PRKG1: variants seen among roughly 807,000 people sequenced by gnomAD.
PRKG1 encodes protein kinase cGMP-dependent 1, also known as cGMP-dependent protein kinase 1.
A neutral mutation model predicts 88.1 loss-of-function variants in PRKG1; 35 were observed. That is an observed-to-expected ratio of 0.40 (90% CI 0.30 to 0.53). The LOEUF (loss-of-function observed/expected upper bound fraction) is 0.53, where lower values mean the gene tolerates loss of function less well. PRKG1 is among the 20% of genes least tolerant of loss of function. The pLI, the probability that PRKG1 is intolerant of heterozygous loss-of-function variation, is 0.59. For synonymous variants in PRKG1, 303 were observed against 292.5 expected (o/e 1.04, Z -0.37); for missense variants, 540 against 839.8 (o/e 0.64, Z 4.41).
intron 4 of PRKG1, among the ~76,000 whole-genome samples, chr10:51,809,697 A>G (rs1839401949): frequency 6.6e-6 from 1 of 152,216 alleles, no homozygotes; most frequent in Non-Finnish European, 1.5e-5. Context: ...AATTTAAGCT[A>G]CACAGTAGAT....
chr10:51,236,258 C>A (rs1199002019), intron 2 of PRKG1, among the ~76,000 whole-genome samples: 1 of 152,174 alleles, frequency 6.6e-6, no homozygotes, highest in Non-Finnish European at 1.5e-5. Context: ...TAACCCTTAA[C>A]TGCTGACCTT....
chr10:51,681,767 ATAG>A (rs1474528088), intron 3 of PRKG1, among the ~76,000 whole-genome samples: 10 of 152,166 alleles, frequency 6.6e-5, no homozygotes, highest in African/African-American at 2.4e-4. Context: ...AAACACAAAG[ATAG>A]TAGATGAGGA....
chr10:52,038,081 G>A (rs987616390), intron 5 of PRKG1, among the ~76,000 whole-genome samples: 6 of 152,246 alleles, frequency 3.9e-5, no homozygotes, highest in African/African-American at 1.4e-4. Flanking sequence ...CCATTTTCTG[G>A]CTATTTGGAA....
chr10:51,699,666 A>G (rs989251455), intron 3 of PRKG1: 17 of 1,168,484 alleles, frequency 1.5e-5, no homozygotes, highest in Admixed American at 2.4e-5. Context: ...AACTTTACTA[A>G]TTCGCTTGAA....
At position 52,296,310 on chromosome 10, in the gene PRKG1, C is replaced by T. The variant is rs993295702; in HGVS notation, c.*2410C>T. ...GAGAAGGAAGAAGTAGCATTCAGCACAAGAAACTGTAGATTGTTTCTCCCA... is the reference window on the plus strand; with the variant it reads ...GAGAAGGAAGAAGTAGCATTCAGCATAAGAAACTGTAGATTGTTTCTCCCA... On this transcript the variant is annotated 3_prime_UTR_variant, in exon 18 of 18. Coordinates refer to ENST00000373980, the MANE Select transcript of PRKG1 (RefSeq NM_006258.4). 1.3e-5 allele frequency: 2 copies of T among 152,032 alleles called. No individual in the cohort carries two copies. Among genetic ancestry groups the T allele is most frequent in the African/African-American group, 4.8e-5 (2 of 41,424 alleles). The allele number at this position is 152,032 out of a possible 1,614,324, so 9.4% of individuals were successfully genotyped here.
intron 3 of PRKG1, among the ~76,000 whole-genome samples, chr10:51,677,361 C>A (rs893139903): frequency 1.3e-5 from 2 of 152,078 alleles, no homozygotes; most frequent in Non-Finnish European, 2.9e-5. Flanking sequence ...TTTGTTATAC[C>A]TCTTAATGCA....
intron 3 of PRKG1, among the ~76,000 whole-genome samples, chr10:51,798,746 T>G (rs780440050): frequency 6.6e-6 from 1 of 152,114 alleles, no homozygotes; most frequent in Non-Finnish European, 1.5e-5. Flanking sequence ...ATATTTATAA[T>G]GTAGAAAGTA....
chr10:51,104,610 C>A (rs1479680410), intron 1 of PRKG1, among the ~76,000 whole-genome samples: 1 of 152,112 alleles, frequency 6.6e-6, no homozygotes, highest in Non-Finnish European at 1.5e-5. Flanking sequence ...ACCTCCACCT[C>A]CTAGGTTCAA....
At chr10:51,752,736 T>A (rs953597760) in intron 3 of PRKG1, among the ~76,000 whole-genome samples, 24 of 152,194 alleles carry the variant, frequency 1.6e-4, no homozygotes, top group African/African-American at 5.5e-4. Flanking sequence ...AGAATATTGT[T>A]CCTTTAAAAG....
At chr10:52,148,957 C>CT (rs71904885) in intron 8 of PRKG1, among the ~76,000 whole-genome samples, 722 of 55,150 alleles carry the variant, frequency 0.013, 67 homozygotes, top group African/African-American at 0.05. Context: ...GATAGTTTTG[C>CT]TTTTTTTTTT....
chr10:52,171,786 A>ATTTTTTTTTTTTTTTTTTTTTTTTTT (rs545195374), intron 9 of PRKG1, among the ~76,000 whole-genome samples: 1 of 93,858 alleles, frequency 1.1e-5, no homozygotes, highest in African/African-American at 4.3e-5. Flanking sequence ...TTTTATCAAA[A>ATTTTTTTTTTTTTTTTTTTTTTTTTT]TTTTTTTTTT....
At chr10:51,344,198 G>A (rs1842063019) in intron 2 of PRKG1, among the ~76,000 whole-genome samples, 2 of 152,166 alleles carry the variant, frequency 1.3e-5, no homozygotes, top group South Asian at 4.1e-4. Context: ...AATCATGACA[G>A]AAGGCAAAGC....
chr10:51,499,768 G>A (rs368119515), intron 3 of PRKG1, among the ~76,000 whole-genome samples: 6 of 152,066 alleles, frequency 3.9e-5, no homozygotes, highest in Admixed American at 1.3e-4. Flanking sequence ...AAGAAATCCC[G>A]TCTCTACAAA....
At chr10:52,102,841 A>G (rs1258655187) in intron 7 of PRKG1, among the ~76,000 whole-genome samples, 1 of 152,082 alleles carries the variant, frequency 6.6e-6, no homozygotes, top group Admixed American at 6.6e-5. Context: ...TATGACATAG[A>G]CCATTCTATG....
At chr10:51,755,214 T>A (rs1471752261) in intron 3 of PRKG1, among the ~76,000 whole-genome samples, 3 of 152,186 alleles carry the variant, frequency 2.0e-5, no homozygotes, top group Non-Finnish European at 4.4e-5. Flanking sequence ...ACTGTTAAGC[T>A]GTACACTGGA....
chr10:52,241,330 A>G (rs1840855679), intron 9 of PRKG1, among the ~76,000 whole-genome samples: 1 of 152,164 alleles, frequency 6.6e-6, no homozygotes, highest in Non-Finnish European at 1.5e-5. Context: ...CTCTCTGCAA[A>G]GTTTGTATCT....
chr10:52,175,699 A>G (rs1838846004), intron 9 of PRKG1, among the ~76,000 whole-genome samples: 1 of 152,094 alleles, frequency 6.6e-6, no homozygotes, highest in Non-Finnish European at 1.5e-5. Flanking sequence ...TAACTGGAGT[A>G]AAAAGATACC....
chr10:51,382,499 T>C (rs572460694), intron 2 of PRKG1, among the ~76,000 whole-genome samples: 1 of 152,336 alleles, frequency 6.6e-6, no homozygotes, highest in South Asian at 2.1e-4. Context: ...AGAGTAAACA[T>C]ATCGTCAACT....
intron 3 of PRKG1, among the ~76,000 whole-genome samples, chr10:51,683,163 ATAGT>A (rs1462213172): frequency 3.3e-5 from 5 of 152,276 alleles, no homozygotes; most frequent in South Asian, 4.1e-4. Context: ...AATGCTGAAA[ATAGT>A]TAGCCATCAA....
Sources: gnomAD v4.1 joint callset for allele counts (sites outside exome capture counted in the v4.1 genomes callset) on GRCh38, gnomAD v4.1.1 for gene constraint, MANE v1.5 for transcripts, NCBI Gene and HGNC (gene_info 2026-07-23, HGNC 2026-07-21) for gene names.